TNFRSF13C: variants seen among roughly 807,000 people sequenced by gnomAD.
TNFRSF13C encodes tumor necrosis factor receptor superfamily member 13C.
Under a neutral mutation model 12.1 loss-of-function variants are expected in TNFRSF13C, and 7 were observed. The ratio of observed to expected loss-of-function variants is 0.58; its 90% CI spans 0.33 to 1.08. TNFRSF13C has a LOEUF of 1.08. Among genes scored for constraint, TNFRSF13C ranks in the 50% least tolerant of loss-of-function variants. TNFRSF13C has a pLI of 0.04. For missense variants in TNFRSF13C, 260 were observed against 265.9 expected, an observed-to-expected ratio of 0.98 and a Z score of 0.15; for synonymous variants, 157 against 130.8, an observed-to-expected ratio of 1.20 and a Z score of -1.37.
rs1032621483 is a variant in TNFRSF13C at position 41,926,330 on chromosome 22, G to C, written c.138C>G (p.Ala46=). The C allele has an allele frequency of 2.8e-6, 4 of 1,414,516 alleles. No homozygotes were observed. The highest frequency in any genetic ancestry group is 2.7e-6 in the Non-Finnish European group (3 of 1,092,366). 87.6% of individuals were successfully genotyped at this position (1,414,516 alleles called of 1,614,324 possible). ...TCCTGGGCGCAGGGCTGCTGGCCCC[G>C]GCTGCTTCGGGAGGGGACAGGGAGG... ...GLLRTPRPKP[A]GASSPAPRTA... is the part of the protein sequence containing the mutation. The change falls in exon 2 of 3, where the codon GCC becomes GCG. Residue 46 remains alanine (A), a splice_region_variant and synonymous_variant. Coordinates refer to ENST00000291232, the MANE Select transcript of TNFRSF13C (RefSeq NM_052945.4). The surrounding 1 kb of genome is among the most constrained non-coding windows in gnomAD (Gnocchi z 4.9).
rs1266978809 is a variant in TNFRSF13C at position 41,926,399 on chromosome 22, G to C, written c.137-68C>G. ...GGAGGGAGGAGCGGGGACGGGGAGG[G>C]GCGGAGGGGGGCGAGGCTGGCCGGG... On this transcript the variant is annotated intron_variant, in intron 1 of 2. Transcript: ENST00000291232. The surrounding 1 kb of genome is among the most constrained non-coding windows in gnomAD (Gnocchi z 4.9). 4.8e-6 allele frequency: 6 copies of C among 1,257,224 alleles called. No individual in the cohort carries two copies. In the East Asian group the frequency reaches 1.9e-4, roughly 39 times the overall value. 77.9% of individuals were successfully genotyped at this position (1,257,224 alleles called of 1,614,324 possible).
Position 41,926,498 on chromosome 22 carries a change from C to T in TNFRSF13C, c.136+140G>A, listed in dbSNP as rs150150552. On this transcript the variant is annotated intron_variant, in intron 1 of 2. Coordinates refer to ENST00000291232, the MANE Select transcript of TNFRSF13C (RefSeq NM_052945.4). This position sits in a 1 kb window ranked among gnomAD's most constrained non-coding sequence, Gnocchi z 4.9. ...GGCGGTGAGGGCCACGCGGTGATCG[C>T]GGGCCCCTCCAGGCCCTGCCCACAG... The T allele has an allele frequency of 0.015, 17,112 of 1,174,946 alleles. 1,896 individuals carry two copies. In the African/African-American group the frequency reaches 0.25, roughly 17 times the overall value. The allele number at this position is 1,174,946 out of a possible 1,614,324, so 72.8% of individuals were successfully genotyped here. A position where few individuals can be genotyped will look rare whatever the true frequency, so the allele number is the denominator to read the frequency against.
In TNFRSF13C at chr22:41,924,221, T is replaced by A. The variant is rs2077617949; in HGVS notation, c.*1146A>T. 2 of 149,804 alleles carry A rather than the reference T, an allele frequency of 1.3e-5. No homozygotes were observed. 9.3% of individuals were successfully genotyped at this position (149,804 alleles called of 1,614,324 possible). A position where few individuals can be genotyped will look rare whatever the true frequency, so the allele number is the denominator to read the frequency against. The stretch of plus-strand genomic sequence containing the variant: ...AAAAAAAAAGGCCAGCCACGGTGGC[T>A]CACGCCTGTAATCCTAGCACTTTGG... On this transcript the variant is annotated 3_prime_UTR_variant, in exon 3 of 3. Coordinates refer to ENST00000291232, the MANE Select transcript of TNFRSF13C (RefSeq NM_052945.4).
intron 2 of TNFRSF13C, 140 bp downstream of exon 2, chr22:41,925,961 C>A: frequency 8.0e-7 from 1 of 1,249,308 alleles, no homozygotes; most frequent in Non-Finnish European, 1.1e-6. Flanking sequence ...CTCCTCAGCG[C>A]AAACTCTTTT....
In TNFRSF13C at chr22:41,922,224, C is replaced by T. The variant is rs1320915346; in HGVS notation, c.*3143G>A. 2.0e-5 allele frequency: 3 copies of T among 152,126 alleles called. No homozygotes were observed. The highest frequency in any genetic ancestry group is 4.4e-5 in the Non-Finnish European group (3 of 68,030). 9.4% of individuals were successfully genotyped at this position (152,126 alleles called of 1,614,324 possible). ...CCTGACTACATCATGGATTCCGGTC[C>T]AGAACTTCCAGATTGTCTACAAAAT... On this transcript the variant is annotated 3_prime_UTR_variant, in exon 3 of 3. Transcript: ENST00000291232.
At position 41,925,389 on chromosome 22, in the gene TNFRSF13C, G is replaced by A. The variant is rs1242150574; in HGVS notation, c.533C>T (p.Thr178Met). The A allele has an allele frequency of 1.2e-6, 2 of 1,607,300 alleles. No homozygotes were observed. The highest frequency in any genetic ancestry group is 1.7e-6 in the Non-Finnish European group (2 of 1,179,316). Residue 178 changes from threonine to methionine, a missense_variant, in exon 3 of 3, where the codon ACG becomes ATG. By Grantham distance (81) the Thr-to-Met change is moderately conservative. Coordinates refer to ENST00000291232, the MANE Select transcript of TNFRSF13C (RefSeq NM_052945.4). ...CTGCTATTGTTGCTCAGGGCCGGCC[G>A]TCTTGGTGGTCACCAGTTCAGTGGA... The part of the protein sequence containing the change: ...LGSTELVTTK[T>M]AGPEQQ
chr22:41,922,751 G>A lies in TNFRSF13C; in HGVS notation c.*2616C>T, dbSNP rs1466638117. 1 of 148,308 alleles carries A rather than the reference G, an allele frequency of 6.7e-6. No individual in the cohort carries two copies. The highest frequency in any genetic ancestry group is 1.5e-5 in the Non-Finnish European group (1 of 66,904). 9.2% of individuals were successfully genotyped at this position (148,308 alleles called of 1,614,324 possible). On this transcript the variant is annotated 3_prime_UTR_variant, in exon 3 of 3. Coordinates refer to ENST00000291232, the MANE Select transcript of TNFRSF13C (RefSeq NM_052945.4). ...AGATGGGGTGGCCAGGAGAAGATGG[G>A]GTGGGAGATGGGGTGTCAAGAGAAG...
In TNFRSF13C at chr22:41,922,905, T is replaced by G. The variant is rs2146586303; in HGVS notation, c.*2462A>C. On this transcript the variant is annotated 3_prime_UTR_variant, in exon 3 of 3. Coordinates refer to ENST00000291232, the MANE Select transcript of TNFRSF13C (RefSeq NM_052945.4). ...CCCCCAACTCCAGATGGAAGGGGAGTGGATGGCTGGGCCCATGTGGGCCTG... is the reference window on the plus strand; with the variant it reads ...CCCCCAACTCCAGATGGAAGGGGAGGGGATGGCTGGGCCCATGTGGGCCTG... 2 of 151,578 alleles carry G rather than the reference T, an allele frequency of 1.3e-5. No homozygotes were observed. Among genetic ancestry groups the G allele is most frequent in the Middle Eastern group, 3.4e-3 (1 of 296 alleles). 9.4% of individuals were successfully genotyped at this position (151,578 alleles called of 1,614,324 possible).
Position 41,926,712 on chromosome 22 carries a change from G to C in TNFRSF13C, c.62C>G (p.Pro21Arg), listed in dbSNP as rs77874543. The change falls in exon 1 of 3, where the codon CCG (proline) becomes CGG (arginine). Residue 21 changes from proline to arginine, a missense_variant. Physicochemically the swap from Pro to Arg is moderately radical, Grantham distance 103 (BLOSUM62 -2). Transcript: ENST00000291232. The surrounding 1 kb of genome is among the most constrained non-coding windows in gnomAD (Gnocchi z 4.9). ...GACCAGCAGGTCGAAGCACTCGGCC[G>C]GGACGCAGGGCGTGGGGGCTGGCGC... The part of the protein sequence containing the change: ...RDAPAPTPCV[P>R]AECFDLLVRH... 106,691 of 1,449,142 alleles carry C rather than the reference G, an allele frequency of 0.074. 4,214 individuals are homozygous for C. Among genetic ancestry groups the C allele is most frequent in the Non-Finnish European group, 0.081 (89,137 of 1,105,230 alleles). The allele number at this position is 1,449,142 out of a possible 1,614,324, so 89.8% of individuals were successfully genotyped here. A position where few individuals can be genotyped will look rare whatever the true frequency, so the allele number is the denominator to read the frequency against.
rs923818104 is a variant in TNFRSF13C at position 41,925,221 on chromosome 22, GGTCTGTAGT to G, written c.*137_*145del. 4.8e-5 allele frequency: 42 copies of G among 872,670 alleles called. No individual in the cohort carries two copies. In the African/African-American group the frequency reaches 6.8e-4, roughly 14 times the overall value. The allele number at this position is 872,670 out of a possible 1,614,324, so 54.1% of individuals were successfully genotyped here. On this transcript the variant is annotated 3_prime_UTR_variant, in exon 3 of 3. Transcript: ENST00000291232. ...AAACTCCATGGGGGCTGAATGCTGT[GGTCTGTAGT>G]GTCTGTGCTTCTGCAGAGTTAGCCT...
Position 41,925,378 on chromosome 22 carries a change from CAGGG to C in TNFRSF13C, c.540_543del (p.Pro181SerfsTer43), listed in dbSNP as rs780228605. ...CTGCCGGCTCCCTGCTATTGTTGCT[CAGGG>C]CCGGCCGTCTTGGTGGTCACCAGTT... is the stretch of plus-strand genomic sequence containing the variant. On this transcript the variant is annotated frameshift_variant, in exon 3 of 3. Transcript: ENST00000291232. LOFTEE classifies it high-confidence loss of function. The C allele has an allele frequency of 6.2e-6, 10 of 1,604,520 alleles. No individual in the cohort carries two copies. In the Admixed American group the frequency reaches 1.3e-4, roughly 21 times the overall value.
In TNFRSF13C at chr22:41,922,368, G is replaced by A. The variant is rs1342911449; in HGVS notation, c.*2999C>T. ...ATTGATGTGACGGCTCTGGGTCTCA[G>A]TTTCCTCGTCTGTTAAATGCATATG... On this transcript the variant is annotated 3_prime_UTR_variant, in exon 3 of 3. Transcript: ENST00000291232. 1.3e-5 allele frequency: 2 copies of A among 152,162 alleles called. No homozygotes were observed. Among genetic ancestry groups the A allele is most frequent in the Non-Finnish European group, 2.9e-5 (2 of 68,040 alleles). 9.4% of individuals were successfully genotyped at this position (152,162 alleles called of 1,614,324 possible).
chr22:41,924,241 C>G lies in TNFRSF13C; in HGVS notation c.*1126G>C, dbSNP rs1014396582. 6.6e-6 allele frequency: 1 copy of G among 151,020 alleles called. No homozygotes were observed. Among genetic ancestry groups the G allele is most frequent in the Non-Finnish European group, 1.5e-5 (1 of 67,952 alleles). The allele number at this position is 151,020 out of a possible 1,614,324, so 9.4% of individuals were successfully genotyped here. A position where few individuals can be genotyped will look rare whatever the true frequency, so the allele number is the denominator to read the frequency against. On this transcript the variant is annotated 3_prime_UTR_variant, in exon 3 of 3. Transcript: ENST00000291232. ...GTGGCTCACGCCTGTAATCCTAGCA[C>G]TTTGGGAGGCTGAGGCGGGCGGATC...
In TNFRSF13C at chr22:41,925,230, T is replaced by C. The variant is rs539226150; in HGVS notation, c.*137A>G. Reference sequence around the variant, plus strand: ...GGGGGCTGAATGCTGTGGTCTGTAGTGTCTGTGCTTCTGCAGAGTTAGCCT... The same window carrying C: ...GGGGGCTGAATGCTGTGGTCTGTAGCGTCTGTGCTTCTGCAGAGTTAGCCT... On this transcript the variant is annotated 3_prime_UTR_variant, in exon 3 of 3. Coordinates refer to ENST00000291232, the MANE Select transcript of TNFRSF13C (RefSeq NM_052945.4). 106 of 944,166 alleles carry C rather than the reference T, an allele frequency of 1.1e-4. 1 individual carries two copies. The Admixed American group carries it at 2.8e-3, about 25-fold the overall frequency. The allele number at this position is 944,166 out of a possible 1,614,324, so 58.5% of individuals were successfully genotyped here.
intron 2 of TNFRSF13C, 77 bp from the exon 3 acceptor site, chr22:41,925,631 G>T: frequency 6.5e-7 from 1 of 1,549,054 alleles, no homozygotes; most frequent in Non-Finnish European, 8.8e-7. Context: ...CTCTGGAGGG[G>T]CAGTCCTCCG....
chr22:41,924,805 A>G lies in TNFRSF13C; in HGVS notation c.*562T>C, dbSNP rs1241177051. 1 of 152,726 alleles carries G rather than the reference A, an allele frequency of 6.5e-6. No homozygotes were observed. Among genetic ancestry groups the G allele is most frequent in the African/African-American group, 2.4e-5 (1 of 41,320 alleles). 9.5% of individuals were successfully genotyped at this position (152,726 alleles called of 1,614,324 possible). A position where few individuals can be genotyped will look rare whatever the true frequency, so the allele number is the denominator to read the frequency against. On this transcript the variant is annotated 3_prime_UTR_variant, in exon 3 of 3. Coordinates refer to ENST00000291232, the MANE Select transcript of TNFRSF13C (RefSeq NM_052945.4). ...CGTCTCTACTAAAAATACAAAAATT[A>G]GCTGGCTGTGGTGGTGCGTGCCTGT...
In TNFRSF13C at chr22:41,923,424, G is replaced by C. The variant is rs1179993492; in HGVS notation, c.*1943C>G. On this transcript the variant is annotated 3_prime_UTR_variant, in exon 3 of 3. Coordinates refer to ENST00000291232, the MANE Select transcript of TNFRSF13C (RefSeq NM_052945.4). ...CTGACTGAGTGCACAGTGTCGTCCA[G>C]GAGTGGAAAGAGATGGTCTTGTCCC... 6.5e-6 allele frequency: 1 copy of C among 154,624 alleles called. No homozygotes were observed. Among genetic ancestry groups the C allele is most frequent in the East Asian group, 1.9e-4 (1 of 5,204 alleles). 9.6% of individuals were successfully genotyped at this position (154,624 alleles called of 1,614,324 possible).
chr22:41,925,987 T>G, intron 2 of TNFRSF13C, 114 bp downstream of exon 2: 1 of 1,400,288 alleles, frequency 7.1e-7, no homozygotes, highest in Non-Finnish European at 9.9e-7. Flanking sequence ...CTGTCTCCGT[T>G]TCCCCTTAAA....
At position 41,925,515 on chromosome 22, in the gene TNFRSF13C, C is replaced by A. The variant is rs2077624583; in HGVS notation, c.407G>T (p.Gly136Val). The A allele has an allele frequency of 6.2e-7, 1 of 1,613,304 alleles. No individual in the cohort carries two copies. The highest frequency in any genetic ancestry group is 1.3e-5 in the African/African-American group (1 of 74,858). The part of the protein sequence containing the change: ...PLDKVIILSP[G>V]ISDATAPAWP... ...GGCAGGAGCTGTGGCATCAGAGATT[C>A]CCGGAGACAGAATGATGACCTTGTC... The change falls in exon 3 of 3, where the codon GGA (glycine) becomes GTA (valine). Residue 136 changes from glycine (G) to valine (V), a missense_variant. Gly to Val is a moderately radical substitution (Grantham distance 109, BLOSUM62 -3). Coordinates refer to ENST00000291232, the MANE Select transcript of TNFRSF13C (RefSeq NM_052945.4).
Sources: allele counts gnomAD v4.1 joint callset, GRCh38; gene constraint gnomAD v4.1.1; non-coding constraint Gnocchi (gnomAD v3.1); transcripts MANE v1.5; gene names NCBI Gene and HGNC (gene_info 2026-07-23, HGNC 2026-07-21).